ANKRD36B: variants seen among roughly 807,000 people sequenced by gnomAD.
ANKRD36B encodes the protein ankyrin repeat domain 36B.
In ANKRD36B, 37 loss-of-function variants were observed where a neutral mutation model predicts 135.7. That is an observed-to-expected ratio of 0.27 (90% confidence interval 0.21 to 0.36). The LOEUF (loss-of-function observed/expected upper bound fraction) is 0.36. Among genes scored for constraint, ANKRD36B ranks in the 10% least tolerant of loss-of-function variants. The pLI is 1.00. For missense variants in ANKRD36B, 549 were observed against 1,037.1 expected (o/e 0.53, Z 6.46); for synonymous variants, 179 against 348.1 (o/e 0.51, Z 5.41).
rs1241194561 is a variant in ANKRD36B, at chr2:97,532,714, G to A, written c.2192-330C>T. Among the ~76,000 whole-genome samples, 3 of 55,306 alleles carry A rather than the reference G, an allele frequency of 5.4e-5. 1 individual carries two copies. The highest frequency in any genetic ancestry group is 5.8e-4 in the East Asian group (2 of 3,452). The allele number at this position is 55,306 out of a possible 152,430, so 36.3% of individuals were successfully genotyped here. The stretch of plus-strand genomic sequence containing the variant: ...ACCTCCAGCCTGGGTGGCAGAGCGA[G>A]ACTGTGTCTCAAAAAAAAAAAAAAA... On this transcript the variant is annotated intron_variant, in intron 34 of 43. Coordinates refer to ENST00000359901, the MANE Select transcript of ANKRD36B (RefSeq NM_001393939.1).
chr2:97,545,805 T>A, intron 23 of ANKRD36B, 28 bp downstream of exon 23: 1 of 962,038 alleles, frequency 1.0e-6, no homozygotes, highest in South Asian at 1.2e-5. Flanking sequence ...CAGTTAATAG[T>A]TCAAAATACA....
intron 4 of ANKRD36B, among the ~76,000 whole-genome samples, chr2:97,580,147 A>G (rs961455994): frequency 2.6e-5 from 4 of 152,262 alleles, no homozygotes; most frequent in Non-Finnish European, 4.4e-5. Context: ...ACATTATTAC[A>G]TTGTAAATAA....
In ANKRD36B at chr2:97,513,129, A is replaced by C. The variant is rs547289822; in HGVS notation, c.2805+51T>G. 386 of 1,438,272 alleles carry C rather than the reference A, an allele frequency of 2.7e-4. 19 individuals are homozygous for C. Among genetic ancestry groups the C allele is most frequent in the South Asian group, 2.4e-3 (177 of 74,312 alleles). 89.1% of individuals were successfully genotyped at this position (1,438,272 alleles called of 1,614,324 possible). A position where few individuals can be genotyped will look rare whatever the true frequency, so the allele number is the denominator to read the frequency against. On this transcript the variant is annotated intron_variant, in intron 38 of 43. Coordinates refer to ENST00000359901, the MANE Select transcript of ANKRD36B (RefSeq NM_001393939.1). ...TATGTTAAATGAAAGAGATGGTATA[A>C]GTAATATTAATAAGAGTAGAAATAT...
At chr2:97,568,610 C>T (rs1021264736) in intron 6 of ANKRD36B, among the ~76,000 whole-genome samples, 11 of 152,268 alleles carry the variant, frequency 7.2e-5, no homozygotes, top group Middle Eastern at 3.4e-3. Flanking sequence ...ATATCACTCC[C>T]TTAACAGCTT....
intron 20 of ANKRD36B, 104 bp from the exon 21 acceptor site, chr2:97,547,835 A>C: frequency 6.8e-7 from 1 of 1,471,912 alleles, no homozygotes; most frequent in Non-Finnish European, 9.3e-7. Context: ...TGCCTGTATT[A>C]GCATAGGCTT....
rs750449719 is a variant in ANKRD36B at position 97,547,740 on chromosome 2, T to G, written c.1478-9A>C. The G allele has an allele frequency of 1.3e-6, 2 of 1,554,768 alleles. No individual in the cohort carries two copies. The highest frequency in any genetic ancestry group is 2.3e-5 in the South Asian group (2 of 85,122). Reference sequence around the variant, plus strand: ...TGGTTGCTCAAAAGACACTGAAAAGTAAAAGGGATTCATAATCACTCATAT... The same window carrying G: ...TGGTTGCTCAAAAGACACTGAAAAGGAAAAGGGATTCATAATCACTCATAT... On this transcript the variant is annotated splice_polypyrimidine_tract_variant and intron_variant, in intron 20 of 43. Coordinates refer to ENST00000359901, the MANE Select transcript of ANKRD36B (RefSeq NM_001393939.1).
rs1266614047 is a variant in ANKRD36B, at chr2:97,531,300, G to A, written c.2265+1011C>T. On this transcript the variant is annotated intron_variant, in intron 35 of 43. Transcript: ENST00000359901. ...AAATCATCATTCTCAGTAAACTATC[G>A]CAAGGACAAAAAACCAAACACTGCA... 1.6e-4 allele frequency among the ~76,000 whole-genome samples: 13 copies of A among 83,144 alleles called. 2 individuals carry two copies. Among genetic ancestry groups the A allele is most frequent in the South Asian group, 8.0e-4 (3 of 3,748 alleles). 54.5% of individuals were successfully genotyped at this position (83,144 alleles called of 152,430 possible). A position where few individuals can be genotyped will look rare whatever the true frequency, so the allele number is the denominator to read the frequency against.
intron 3 of ANKRD36B, among the ~76,000 whole-genome samples, chr2:97,582,809 T>C (rs977271626): frequency 6.6e-6 from 1 of 152,160 alleles, no homozygotes; most frequent in African/African-American, 2.4e-5. Flanking sequence ...TAAAAATTGT[T>C]ACTAAGAGTC....
Position 97,546,635 on chromosome 2 carries a change from A to T in ANKRD36B, c.1580-774T>A, listed in dbSNP as rs552138080. ...AGATATTAATCAGTTTTTCATTCAG[A>T]AATCACTGCAATATTCATTGAAAAT... On this transcript the variant is annotated intron_variant, in intron 22 of 43. Coordinates refer to ENST00000359901, the MANE Select transcript of ANKRD36B (RefSeq NM_001393939.1). 2.0e-5 allele frequency among the ~76,000 whole-genome samples: 3 copies of T among 151,864 alleles called. No individual in the cohort carries two copies. In the East Asian group the frequency reaches 5.8e-4, roughly 30 times the overall value.
intron 10 of ANKRD36B, among the ~76,000 whole-genome samples, chr2:97,557,857 T>C (rs553988956): frequency 3.9e-4 from 59 of 151,922 alleles, no homozygotes; most frequent in South Asian, 1.2e-3. Flanking sequence ...GACATACTTA[T>C]ACAAAATAAA....
chr2:97,556,952 C>A lies in ANKRD36B; in HGVS notation c.1054G>T (p.Gly352Trp), dbSNP rs1199156454. ...GCCAAATTACCTGTTCCAGATTTCC[C>A]ACCGCCCATTATTCTTGTGGCAATA... The part of the protein sequence containing the change: ...LNIATRIMGG[G>W]KSGTVSSQKQ... The change falls in exon 12 of 44, where the codon GGG becomes TGG. Residue 352 changes from glycine to tryptophan, a missense_variant. Physicochemically the swap from Gly to Trp is radical, Grantham distance 184. Coordinates refer to ENST00000359901, the MANE Select transcript of ANKRD36B (RefSeq NM_001393939.1). The A allele has an allele frequency of 6.3e-7, 1 of 1,591,286 alleles. No homozygotes were observed.
intron 35 of ANKRD36B, among the ~76,000 whole-genome samples, chr2:97,526,501 C>G (rs2078216553): frequency 1.0e-5 from 1 of 97,628 alleles, no homozygotes; most frequent in South Asian, 2.3e-4. Context: ...GAGTGCCTCT[C>G]CTCTTCCAAA....
intron 6 of ANKRD36B, 103 bp downstream of exon 6, chr2:97,576,276 T>C: frequency 3.6e-6 from 1 of 279,746 alleles, no homozygotes; most frequent in Non-Finnish European, 7.5e-6. Context: ...ATGTGTACAA[T>C]TTAAAGTGAT....
At chr2:97,527,643 C>T (rs1274111151) in intron 35 of ANKRD36B, among the ~76,000 whole-genome samples, 1 of 95,786 alleles carries the variant, frequency 1.0e-5, no homozygotes, top group Admixed American at 9.3e-5. Context: ...CATCAGTGTG[C>T]TGTATTCAGG....
Position 97,569,131 on chromosome 2 carries a change from G to C in ANKRD36B, c.763+7248C>G, listed in dbSNP as rs542665008. On this transcript the variant is annotated intron_variant, in intron 6 of 43. Coordinates refer to ENST00000359901, the MANE Select transcript of ANKRD36B (RefSeq NM_001393939.1). Reference sequence around the variant, plus strand: ...AGGATGATCCAGTTAGTGCTGTGTAGTACACAGCATGAAGTCATTTTCCTC... The same window carrying C: ...AGGATGATCCAGTTAGTGCTGTGTACTACACAGCATGAAGTCATTTTCCTC... 3.3e-5 allele frequency among the ~76,000 whole-genome samples: 5 copies of C among 152,204 alleles called. 1 individual carries two copies. In the South Asian group the frequency reaches 1.0e-3, roughly 32 times the overall value.
intron 43 of ANKRD36B, among the ~76,000 whole-genome samples, chr2:97,494,073 A>C (rs1302036764): frequency 9.3e-6 from 1 of 106,976 alleles, no homozygotes; most frequent in African/African-American, 2.6e-5. Flanking sequence ...TTCTTTGCCT[A>C]TTACCCAGTT....
At chr2:97,524,062 T>C (rs2104386565) in intron 35 of ANKRD36B, 1 of 86,418 alleles carries the variant, frequency 1.2e-5, no homozygotes, top group Non-Finnish European at 3.0e-5. Context: ...CATTTTCTAA[T>C]TCAAGTTTTA....
At chr2:97,561,769 T>C (rs2081045530) in intron 6 of ANKRD36B, among the ~76,000 whole-genome samples, 1 of 151,942 alleles carries the variant, frequency 6.6e-6, no homozygotes, top group African/African-American at 2.4e-5. Flanking sequence ...TGCTATTTTA[T>C]CCAATAGCTC....
At position 97,551,271 on chromosome 2, in the gene ANKRD36B, T is replaced by G. The variant is rs760520833; in HGVS notation, c.1375+18A>C. 3.0e-5 allele frequency: 46 copies of G among 1,546,434 alleles called. No homozygotes were observed. Among genetic ancestry groups the G allele is most frequent in the Middle Eastern group, 4.6e-4 (2 of 4,366 alleles). The stretch of plus-strand genomic sequence containing the variant: ...TATCTGGACTGAACATGACATTAAA[T>G]GTGTTTCGCAAAATTACCTGTCCTA... On this transcript the variant is annotated intron_variant, in intron 18 of 43. Coordinates refer to ENST00000359901, the MANE Select transcript of ANKRD36B (RefSeq NM_001393939.1).
Sources: allele counts gnomAD v4.1 joint callset (sites outside exome capture counted in the v4.1 genomes callset), GRCh38; gene constraint gnomAD v4.1.1; transcripts MANE v1.5; gene names NCBI Gene and HGNC (gene_info 2026-07-23, HGNC 2026-07-21).